Variants in ANO2 observed in about 807,000 individuals in gnomAD.
The protein encoded by ANO2 is anoctamin 2, also known as anoctamin-2.
ANO2 carries 101 observed loss-of-function variants against 124.2 expected under a neutral mutation model. That is an observed-to-expected ratio of 0.81 (90% confidence interval 0.69 to 0.96). ANO2 has a LOEUF of 0.96. ANO2 is among the 40% of genes least tolerant of loss of function. The pLI, the probability that ANO2 is intolerant of heterozygous loss-of-function variation, is 0.00. For synonymous variants in ANO2, 486 were observed against 482.5 expected (o/e 1.01, Z -0.09); for missense variants, 1,293 against 1,274.5 (o/e 1.01, Z -0.22).
rs567929252 is a variant in ANO2, at chr12:5,579,439, T to C, written c.2234-921A>G. 2.0e-5 allele frequency among the ~76,000 whole-genome samples: 3 copies of C among 152,230 alleles called. No individual in the cohort carries two copies. The South Asian group carries it at 6.2e-4, about 32-fold the overall frequency. Reference sequence around the variant, plus strand: ...GCATGCAGTTTTCTTGAGGATTAAGTCAAAGAGACCTTCTAAGCTATGGAA... The same window carrying C: ...GCATGCAGTTTTCTTGAGGATTAAGCCAAAGAGACCTTCTAAGCTATGGAA... On this transcript the variant is annotated intron_variant, in intron 20 of 24. Transcript: ENST00000682330.
At chr12:5,664,475 A>T (rs1297648524) in intron 14 of ANO2, among the ~76,000 whole-genome samples, 2 of 152,178 alleles carry the variant, frequency 1.3e-5, no homozygotes, top group East Asian at 3.8e-4. Flanking sequence ...TTCTTTACTT[A>T]TCTGATTTCA....
intron 7 of ANO2, among the ~76,000 whole-genome samples, chr12:5,807,653 C>T (rs1010629082): frequency 2.6e-5 from 4 of 152,178 alleles, no homozygotes; most frequent in Non-Finnish European, 5.9e-5. Flanking sequence ...TTCCAATAAC[C>T]TTCCACCACC....
At chr12:5,736,194 G>C (rs989000991) in intron 13 of ANO2, among the ~76,000 whole-genome samples, 1 of 152,198 alleles carries the variant, frequency 6.6e-6, no homozygotes, top group African/African-American at 2.4e-5. Context: ...CGTTGGGCTT[G>C]GTTGCTTCCT....
At chr12:5,917,275 G>C (rs1941435318) in intron 3 of ANO2, among the ~76,000 whole-genome samples, 1 of 152,134 alleles carries the variant, frequency 6.6e-6, no homozygotes, top group Non-Finnish European at 1.5e-5. Flanking sequence ...GTAGCATTAA[G>C]GGTGGCCAGG....
chr12:5,849,547 T>C (rs1160444355), intron 4 of ANO2, among the ~76,000 whole-genome samples: 2 of 152,224 alleles, frequency 1.3e-5, no homozygotes, highest in Non-Finnish European at 2.9e-5. Flanking sequence ...TGTGCATGGA[T>C]CTTGAGTGTC....
rs1651713067 is a variant in ANO2 at position 5,925,606 on chromosome 12, G to A, written c.23-2802C>T. 1.3e-5 allele frequency among the ~76,000 whole-genome samples: 2 copies of A among 152,214 alleles called. No homozygotes were observed. The highest frequency in any genetic ancestry group is 2.9e-5 in the Non-Finnish European group (2 of 68,036). Reference sequence around the variant, plus strand: ...TGAGGCAGGTGAGCACACACCTTGAGAACTCCCTAAGAAGCTTAGAAGAGG... The same window carrying A: ...TGAGGCAGGTGAGCACACACCTTGAAAACTCCCTAAGAAGCTTAGAAGAGG... On this transcript the variant is annotated intron_variant, in intron 1 of 24. Transcript: ENST00000682330. The surrounding 1 kb of genome is among the most constrained non-coding windows in gnomAD (Gnocchi z 4.6).
intron 3 of ANO2, among the ~76,000 whole-genome samples, chr12:5,913,098 T>G (rs1447446984): frequency 3.3e-5 from 5 of 152,160 alleles, no homozygotes; most frequent in African/African-American, 1.2e-4. Context: ...GCCTGCCCTC[T>G]GTGGATGTCC....
intron 3 of ANO2, among the ~76,000 whole-genome samples, chr12:5,866,617 C>T (rs553750095): frequency 2.6e-5 from 4 of 152,268 alleles, no homozygotes; most frequent in South Asian, 4.1e-4. Flanking sequence ...CCGTTGTGAG[C>T]GGCATGGAAG....
At chr12:5,778,362 A>G (rs1421039509) in intron 10 of ANO2, among the ~76,000 whole-genome samples, 1 of 152,186 alleles carries the variant, frequency 6.6e-6, no homozygotes, top group African/African-American at 2.4e-5. Flanking sequence ...TTCTTTATTC[A>G]CTGTAATTTG....
intron 7 of ANO2, among the ~76,000 whole-genome samples, chr12:5,824,990 C>G (rs994692611): frequency 6.6e-6 from 1 of 152,132 alleles, no homozygotes; most frequent in East Asian, 1.9e-4. Context: ...ATTACCTCCC[C>G]CTGGGTACCT....
chr12:5,767,142 T>C (rs1414085158), intron 10 of ANO2, among the ~76,000 whole-genome samples: 3 of 152,210 alleles, frequency 2.0e-5, no homozygotes, highest in African/African-American at 7.2e-5. Context: ...GCCCTGCCCC[T>C]TCCTCCCTGG....
chr12:5,639,158 A>G (rs11063789), intron 15 of ANO2, among the ~76,000 whole-genome samples: 53,717 of 152,076 alleles, frequency 0.35, 9,902 homozygotes, highest in East Asian at 0.55. Flanking sequence ...AACTTTCCAG[A>G]AAAGGGAAGA....
At position 5,691,843 on chromosome 12, in the gene ANO2, G is replaced by A. The variant is rs12229641; in HGVS notation, c.1545+40677C>T. Among the ~76,000 whole-genome samples the A allele has an allele frequency of 7.4e-3, 1,122 of 152,108 alleles. 41 individuals are homozygous for A. Among genetic ancestry groups the A allele is most frequent in the Admixed American group, 0.052 (802 of 15,278 alleles). ...CCTTGAACCCAGGAGCAGAGCCTGC[G>A]GTGGGCCGAGATCATGTGCCACTGC... On this transcript the variant is annotated intron_variant, in intron 14 of 24. Coordinates refer to ENST00000682330, the MANE Select transcript of ANO2 (RefSeq NM_001364791.2).
chr12:5,724,426 T>G (rs531623668), intron 14 of ANO2, among the ~76,000 whole-genome samples: 41 of 152,290 alleles, frequency 2.7e-4, no homozygotes, highest in Admixed American at 2.7e-3. Flanking sequence ...CATGTCTCCC[T>G]GGGCCCAGAG....
upstream of ANO2, chr12:5,946,096 C>G: frequency 6.3e-7 from 1 of 1,597,098 alleles, no homozygotes; most frequent in African/African-American, 1.3e-5. This position sits in a 1 kb window ranked among gnomAD's most constrained non-coding sequence, Gnocchi z 4.1. Context: ...ACCATGGACC[C>G]CCAAAATGAA....
intron 14 of ANO2, among the ~76,000 whole-genome samples, chr12:5,697,210 G>A (rs1157964641): frequency 6.6e-6 from 1 of 152,132 alleles, no homozygotes; most frequent in African/African-American, 2.4e-5. Context: ...GAGGCAGGCA[G>A]ATCACAAGAT....
rs562900470 is a variant in ANO2 at position 5,621,736 on chromosome 12, G to A, written c.1817-6439C>T. ...GGGTTCTACTTCCAGATGAGCATGG[G>A]GAAGGAGCAGAGACTGATCTGGGTA... On this transcript the variant is annotated intron_variant, in intron 16 of 24. Transcript: ENST00000682330. 2.0e-5 allele frequency among the ~76,000 whole-genome samples: 3 copies of A among 152,194 alleles called. No homozygotes were observed. The South Asian group carries it at 6.2e-4, about 32-fold the overall frequency.
intron 1 of ANO2, among the ~76,000 whole-genome samples, chr12:5,941,701 C>G (rs903356705): frequency 6.7e-6 from 1 of 150,220 alleles, no homozygotes. Flanking sequence ...CTAGATACAT[C>G]AGAGTCAAAA....
intron 3 of ANO2, among the ~76,000 whole-genome samples, chr12:5,869,727 C>T (rs1213880984): frequency 3.9e-5 from 6 of 152,268 alleles, no homozygotes; most frequent in African/African-American, 1.4e-4. Flanking sequence ...GGATGTGTCC[C>T]TCATGTGACG....
Sources: gnomAD v4.1 joint callset for allele counts (sites outside exome capture counted in the v4.1 genomes callset) on GRCh38, gnomAD v4.1.1 for gene constraint, Gnocchi (gnomAD v3.1) non-coding constraint, MANE v1.5 for transcripts, NCBI Gene and HGNC (gene_info 2026-07-23, HGNC 2026-07-21) for gene names.